FOXJ1: variants seen among roughly 807,000 people sequenced by gnomAD.
FOXJ1 encodes the protein forkhead box J1, also known as forkhead box protein J1.
FOXJ1 carries 8 observed loss-of-function variants against 29.3 expected under a neutral mutation model. The ratio of observed to expected loss-of-function variants is 0.27; its 90% CI spans 0.16 to 0.49. FOXJ1 has a LOEUF of 0.49. Ranked by LOEUF, FOXJ1 falls within the 20% of genes least tolerant of loss-of-function variation. The pLI, the probability that FOXJ1 is intolerant of heterozygous loss-of-function variation, is 0.98. For synonymous variants in FOXJ1, 280 were observed against 278.7 expected (o/e 1.00, Z -0.05); for missense variants, 539 against 595.5 (o/e 0.91, Z 0.99).
In FOXJ1 at chr17:76,140,637, T is replaced by C. The variant is rs1429147927; in HGVS notation, c.-169-73A>G. 2 of 459,064 alleles carry C rather than the reference T, an allele frequency of 4.4e-6. No homozygotes were observed. Among genetic ancestry groups the C allele is most frequent in the Non-Finnish European group, 7.6e-6 (2 of 262,818 alleles). The allele number at this position is 459,064 out of a possible 1,614,324, so 28.4% of individuals were successfully genotyped here. The stretch of plus-strand genomic sequence containing the variant: ...ACAGTGTGTGTACGGGGACGCCCTC[T>C]CTAACATCATCCCCGCAGCTGGGGA... On this transcript the variant is annotated intron_variant, in intron 1 of 2. Coordinates refer to ENST00000322957, the MANE Select transcript of FOXJ1 (RefSeq NM_001454.4). This position sits in a 1 kb window ranked among gnomAD's most constrained non-coding sequence, Gnocchi z 8.0.
rs2068499618 is a variant in FOXJ1, at chr17:76,139,223, G to A, written c.498+675C>T. 6.6e-6 allele frequency among the ~76,000 whole-genome samples: 1 copy of A among 152,198 alleles called. No individual in the cohort carries two copies. Among genetic ancestry groups the A allele is most frequent in the African/African-American group, 2.4e-5 (1 of 41,444 alleles). On this transcript the variant is annotated intron_variant, in intron 2 of 2. Transcript: ENST00000322957. This position sits in a 1 kb window ranked among gnomAD's most constrained non-coding sequence, Gnocchi z 6.6. ...TGTGGTAGGCAGAGCCCCAGTGGAA[G>A]GCACCTGGCTCAGGTAATTGTCCCC...
rs764302833 is a variant in FOXJ1 at position 76,138,057 on chromosome 17, C to T, written c.562G>A (p.Glu188Lys). ...CGCCAGAAGCCCCCCTTGCCTGGTT[C>T]GTCCTTCTCCCGAGGCACTTTGATG... Reference protein sequence around the residue: ...CFIKVPREKDEPGKGGFWRID... With the variant: ...CFIKVPREKDKPGKGGFWRID... Residue 188 changes from glutamate (E) to lysine (K), a missense_variant, in exon 3 of 3, where the codon GAA becomes AAA. Coordinates refer to ENST00000322957, the MANE Select transcript of FOXJ1 (RefSeq NM_001454.4). The T allele has an allele frequency of 9.3e-6, 15 of 1,613,864 alleles. No individual in the cohort carries two copies. Among genetic ancestry groups the T allele is most frequent in the Non-Finnish European group, 1.3e-5 (15 of 1,180,030 alleles).
rs897295080 is a variant in FOXJ1, at chr17:76,139,196, AGT to A, written c.498+700_498+701del. 1.3e-5 allele frequency among the ~76,000 whole-genome samples: 2 copies of A among 152,064 alleles called. No individual in the cohort carries two copies. The highest frequency in any genetic ancestry group is 4.8e-5 in the African/African-American group (2 of 41,384). ...TTCCAGAGACGTGGAACACGAAGTG[AGT>A]GTGGTAGGCAGAGCCCCAGTGGAAG... On this transcript the variant is annotated intron_variant, in intron 2 of 2. Transcript: ENST00000322957. This position sits in a 1 kb window ranked among gnomAD's most constrained non-coding sequence, Gnocchi z 6.6.
At position 76,138,148 on chromosome 17, in the gene FOXJ1, G is replaced by C. The variant is rs199984608; in HGVS notation, c.499-28C>G. On this transcript the variant is annotated intron_variant, in intron 2 of 2. Transcript: ENST00000322957. ...GGGTGCAGGGAGAGAGCAAGAGAGA[G>C]AGGAACCGCTAGGTCAGTGGGGACG... 1.3e-4 allele frequency: 211 copies of C among 1,611,934 alleles called. 1 individual carries two copies. Among genetic ancestry groups the C allele is most frequent in the Non-Finnish European group, 1.1e-4 (135 of 1,179,244 alleles).
Position 76,140,228 on chromosome 17 carries a change from GC to G in FOXJ1, c.167del (p.Gly56AlafsTer65), listed in dbSNP as rs1171683734. 2.8e-6 allele frequency: 4 copies of G among 1,454,246 alleles called. No homozygotes were observed. Among genetic ancestry groups the G allele is most frequent in the Non-Finnish European group, 2.7e-6 (3 of 1,114,322 alleles). The allele number at this position is 1,454,246 out of a possible 1,614,324, so 90.1% of individuals were successfully genotyped here. On this transcript the variant is annotated frameshift_variant, in exon 2 of 3. Transcript: ENST00000322957. LOFTEE classifies it high-confidence loss of function. This position sits in a 1 kb window ranked among gnomAD's most constrained non-coding sequence, Gnocchi z 8.0. ...NAKAPALPPG[G>X]TDPHGYHQVP... ...CCTGGTGGTAGCCGTGGGGGTCGGT[GC>G]CCCCCGGGGGCAGGGCGGGGGCCTT...
intron 2 of FOXJ1, 144 bp from the exon 3 acceptor site, chr17:76,138,264 C>CCCCCCCATCTTTTCTCTGGCAGGGGAG: frequency 1.2e-6 from 1 of 855,098 alleles, no homozygotes; most frequent in Non-Finnish European, 1.8e-6. Context: ...CTGGTCTGCC[C>CCCCCCCATCTTTTCTCTGGCAGGGGAG]AGGCGGCTGC....
intron 2 of FOXJ1, among the ~76,000 whole-genome samples, chr17:76,138,667 C>G (rs953128875): frequency 1.3e-5 from 2 of 152,214 alleles, no homozygotes; most frequent in East Asian, 1.9e-4. Flanking sequence ...GCCTTCACCC[C>G]CCACGGCCCC....
intron 2 of FOXJ1, 53 bp from the exon 3 acceptor site, chr17:76,138,173 G>C: frequency 6.3e-7 from 1 of 1,585,778 alleles, no homozygotes; most frequent in South Asian, 1.1e-5. Flanking sequence ...CAGTGGGGAC[G>C]GGGAGATGAA....
Position 76,138,109 on chromosome 17 carries a change from G to A in FOXJ1, c.510C>T (p.Arg170=), listed in dbSNP as rs2068491753. The A allele has an allele frequency of 1.9e-6, 3 of 1,613,698 alleles. No individual in the cohort carries two copies. The highest frequency in any genetic ancestry group is 2.5e-6 in the Non-Finnish European group (3 of 1,179,994). Residue 170 remains arginine, a synonymous_variant, in exon 3 of 3, where the codon CGC becomes CGT. Transcript: ENST00000322957. The stretch of plus-strand genomic sequence containing the variant: ...AGCACTTGTTCAGAGACAGGTTGTG[G>A]CGGATTGAATTCTGGGTGCAGGGAG... The part of the protein sequence containing the change: ...HADPTWQNSI[R]HNLSLNKCFI...
chr17:76,137,309 C>T lies in FOXJ1; in HGVS notation c.*44G>A, dbSNP rs1445486496. ...ACCTGTGTTGGGGGGCAGTTCTGGA[C>T]CCTGACTTGGGCACTGTCCAGAGGT... On this transcript the variant is annotated 3_prime_UTR_variant, in exon 3 of 3. Transcript: ENST00000322957. The surrounding 1 kb of genome is among the most constrained non-coding windows in gnomAD (Gnocchi z 9.5). 2 of 1,427,016 alleles carry T rather than the reference C, an allele frequency of 1.4e-6. No homozygotes were observed. Among genetic ancestry groups the T allele is most frequent in the Non-Finnish European group, 9.2e-7 (1 of 1,091,470 alleles). The allele number at this position is 1,427,016 out of a possible 1,614,324, so 88.4% of individuals were successfully genotyped here.
rs569659484 is a variant in FOXJ1 at position 76,138,157 on chromosome 17, C to T, written c.499-37G>A. On this transcript the variant is annotated intron_variant, in intron 2 of 2. Transcript: ENST00000322957. ...GAGAGAGCAAGAGAGAGAGGAACCG[C>T]TAGGTCAGTGGGGACGGGGAGATGA... 1.0e-4 allele frequency: 168 copies of T among 1,608,220 alleles called. 1 individual carries two copies. The African/African-American group carries it at 1.2e-3, about 12-fold the overall frequency.
chr17:76,137,761 C>A lies in FOXJ1; in HGVS notation c.858G>T (p.Pro286=). The change falls in exon 3 of 3, where the codon CCG becomes CCT. Residue 286 remains proline, a synonymous_variant. Transcript: ENST00000322957. The surrounding 1 kb of genome is among the most constrained non-coding windows in gnomAD (Gnocchi z 9.5). The stretch of plus-strand genomic sequence containing the variant: ...TGGGCAGCAGGGTGCTGGGGGGCCG[C>A]GGGACCTTGGCCACCCGCTTGGGCA... ...QPLPKRVAKV[P]RPPSTLLPTP... 6.2e-7 allele frequency: 1 copy of A among 1,609,626 alleles called. No individual in the cohort carries two copies. Among genetic ancestry groups the A allele is most frequent in the Non-Finnish European group, 8.5e-7 (1 of 1,178,064 alleles).
At position 76,137,129 on chromosome 17, in the gene FOXJ1, G is replaced by C. The variant is rs1046695940; in HGVS notation, c.*224C>G. 2 of 467,052 alleles carry C rather than the reference G, an allele frequency of 4.3e-6. No homozygotes were observed. The highest frequency in any genetic ancestry group is 7.5e-6 in the Non-Finnish European group (2 of 266,372). The allele number at this position is 467,052 out of a possible 1,614,324, so 28.9% of individuals were successfully genotyped here. Reference sequence around the variant, plus strand: ...TGAAACACTGTGTGTACAAGGTGGGGCTGGGGAGAGGAGGCAGCGATTCTG... The same window carrying C: ...TGAAACACTGTGTGTACAAGGTGGGCCTGGGGAGAGGAGGCAGCGATTCTG... On this transcript the variant is annotated 3_prime_UTR_variant, in exon 3 of 3. Coordinates refer to ENST00000322957, the MANE Select transcript of FOXJ1 (RefSeq NM_001454.4). This position sits in a 1 kb window ranked among gnomAD's most constrained non-coding sequence, Gnocchi z 9.5.
rs764497360 is a variant in FOXJ1 at position 76,140,849 on chromosome 17, A to T, written c.-170+265T>A. On this transcript the variant is annotated intron_variant, in intron 1 of 2. Coordinates refer to ENST00000322957, the MANE Select transcript of FOXJ1 (RefSeq NM_001454.4). The surrounding 1 kb of genome is among the most constrained non-coding windows in gnomAD (Gnocchi z 8.0). Reference sequence around the variant, plus strand: ...AGGACCCCCTTCCTCCTCGCAACAAATGGAAGTGGGGCGAGAAGTTTGGGA... The same window carrying T: ...AGGACCCCCTTCCTCCTCGCAACAATTGGAAGTGGGGCGAGAAGTTTGGGA... Among the ~76,000 whole-genome samples, 3 of 151,064 alleles carry T rather than the reference A, an allele frequency of 2.0e-5. No homozygotes were observed. Among genetic ancestry groups the T allele is most frequent in the Non-Finnish European group, 4.4e-5 (3 of 67,698 alleles).
rs1598372593 is a variant in FOXJ1, at chr17:76,137,238, T to C, written c.*115A>G. 2.2e-5 allele frequency: 22 copies of C among 985,474 alleles called. No homozygotes were observed. The highest frequency in any genetic ancestry group is 3.1e-5 in the Non-Finnish European group (22 of 720,816). The allele number at this position is 985,474 out of a possible 1,614,324, so 61.0% of individuals were successfully genotyped here. On this transcript the variant is annotated 3_prime_UTR_variant, in exon 3 of 3. Coordinates refer to ENST00000322957, the MANE Select transcript of FOXJ1 (RefSeq NM_001454.4). This position sits in a 1 kb window ranked among gnomAD's most constrained non-coding sequence, Gnocchi z 9.5. ...GGCCATGTGGCCTCTGGGGCAAGCC[T>C]TGGAGCCCTGGCCCAGCCCCTGCCT... is the stretch of plus-strand genomic sequence containing the variant.
rs2068483057 is a variant in FOXJ1 at position 76,136,943 on chromosome 17, C to G, written c.*410G>C. The G allele has an allele frequency of 5.8e-6, 1 of 173,302 alleles. No homozygotes were observed. The highest frequency in any genetic ancestry group is 1.2e-5 in the Non-Finnish European group (1 of 82,604). 10.7% of individuals were successfully genotyped at this position (173,302 alleles called of 1,614,324 possible). A position where few individuals can be genotyped will look rare whatever the true frequency, so the allele number is the denominator to read the frequency against. On this transcript the variant is annotated 3_prime_UTR_variant, in exon 3 of 3. Coordinates refer to ENST00000322957, the MANE Select transcript of FOXJ1 (RefSeq NM_001454.4). The surrounding 1 kb of genome is among the most constrained non-coding windows in gnomAD (Gnocchi z 4.9). ...AATTAGCATTTGTTGTACCTGGGGA[C>G]TCTCTCTGGATAGAGACCTGGGGAA...
chr17:76,140,234 CG>C lies in FOXJ1; in HGVS notation c.161del (p.Pro54ArgfsTer67). 4 of 1,457,440 alleles carry C rather than the reference CG, an allele frequency of 2.7e-6. No individual in the cohort carries two copies. The highest frequency in any genetic ancestry group is 3.1e-5 in the Admixed American group (1 of 31,776). The allele number at this position is 1,457,440 out of a possible 1,614,324, so 90.3% of individuals were successfully genotyped here. A position where few individuals can be genotyped will look rare whatever the true frequency, so the allele number is the denominator to read the frequency against. ...ILNAKAPALP[P>X]GGTDPHGYHQ... ...GGTAGCCGTGGGGGTCGGTGCCCCC[CG>C]GGGGCAGGGCGGGGGCCTTGGCGTT... On this transcript the variant is annotated frameshift_variant, in exon 2 of 3. Transcript: ENST00000322957. LOFTEE classifies it high-confidence loss of function. This position sits in a 1 kb window ranked among gnomAD's most constrained non-coding sequence, Gnocchi z 8.0.
Position 76,137,581 on chromosome 17 carries a change from G to A in FOXJ1, c.1038C>T (p.Leu346=). Residue 346 remains leucine, a synonymous_variant, in exon 3 of 3, where the codon CTC becomes CTT. Transcript: ENST00000322957. This position sits in a 1 kb window ranked among gnomAD's most constrained non-coding sequence, Gnocchi z 9.5. The part of the protein sequence containing the change: ...LSPASHVDVD[L]TIHGRHIDCP... ...AGTCGATGTGGCGGCCGTGGATGGT[G>A]AGGTCCACGTCCACGTGTGAGGCGG... 6.3e-7 allele frequency: 1 copy of A among 1,599,698 alleles called. No homozygotes were observed. Among genetic ancestry groups the A allele is most frequent in the Non-Finnish European group, 8.5e-7 (1 of 1,172,310 alleles).
At position 76,137,667 on chromosome 17, in the gene FOXJ1, C is replaced by G; in HGVS notation, c.952G>C (p.Gly318Arg). The change falls in exon 3 of 3, where the codon GGC (glycine) becomes CGC (arginine). Residue 318 changes from glycine to arginine, a missense_variant. Physicochemically the swap from Gly to Arg is moderately radical, Grantham distance 125 (BLOSUM62 -2). Around this residue, in one of 3 missense-constraint regions of FOXJ1, gnomAD observed 302 missense variants for 293.6 expected, o/e 1.03. Coordinates refer to ENST00000322957, the MANE Select transcript of FOXJ1 (RefSeq NM_001454.4). The surrounding 1 kb of genome is among the most constrained non-coding windows in gnomAD (Gnocchi z 9.5). The part of the protein sequence containing the change: ...NFDWEAIFDA[G>R]TLGGELGALE... ...GCACCCAGCTCCCCGCCCAGAGTGC[C>G]GGCGTCGAAGATGGCCTCCCAGTCA... 1 of 1,612,060 alleles carries G rather than the reference C, an allele frequency of 6.2e-7. No homozygotes were observed. Among genetic ancestry groups the G allele is most frequent in the East Asian group, 2.2e-5 (1 of 44,846 alleles).
Sources: gnomAD v4.1 joint callset for allele counts (sites outside exome capture counted in the v4.1 genomes callset) on GRCh38, gnomAD v4.1.1 for gene constraint, gnomAD v4.1.1 regional missense constraint, Gnocchi (gnomAD v3.1) non-coding constraint, MANE v1.5 for transcripts, NCBI Gene and HGNC (gene_info 2026-07-23, HGNC 2026-07-21) for gene names.